Variants in DACH2 observed in about 807,000 individuals in gnomAD.
DACH2 encodes the protein dachshund homolog 2.
In DACH2, 17 loss-of-function variants were observed where a neutral mutation model predicts 35.8. That is an observed-to-expected ratio of 0.48 (90% CI 0.33 to 0.71). The LOEUF is 0.71. DACH2 is among the 30% of genes least tolerant of loss of function. The pLI is 0.02. For missense variants in DACH2, 469 were observed against 472.7 expected (o/e 0.99, Z 0.07); for synonymous variants, 195 against 177.3 (o/e 1.10, Z -0.79).
At chrX:86,416,348 T>G (rs1569389215) in intron 2 of DACH2, among the ~76,000 whole-genome samples, 1 of 111,925 alleles carries the variant, frequency 8.9e-6, no homozygotes, top group Non-Finnish European at 1.9e-5. Context: ...TTCTACTATC[T>G]TAAGTGGGAT....
At chrX:86,202,659 G>T (rs775176351) in intron 1 of DACH2, among the ~76,000 whole-genome samples, 1 of 111,092 alleles carries the variant, frequency 9.0e-6, no homozygotes, top group South Asian at 3.8e-4. Context: ...AAGAAAGATT[G>T]GTTAGAGGAA....
At chrX:86,382,777 A>C in intron 2 of DACH2, among the ~76,000 whole-genome samples, 1 of 111,294 alleles carries the variant, frequency 9.0e-6, no homozygotes, top group South Asian at 3.7e-4. Flanking sequence ...AGGTATTACA[A>C]GAAAATTGTG....
chrX:86,686,707 C>A (rs2040948479), intron 4 of DACH2, among the ~76,000 whole-genome samples: 1 of 111,727 alleles, frequency 9.0e-6, no homozygotes, highest in African/African-American at 3.2e-5. Flanking sequence ...AATAAAATAT[C>A]TTTTAACCAG....
At chrX:86,569,559 G>A (rs978243060) in intron 3 of DACH2, among the ~76,000 whole-genome samples, 3 of 110,956 alleles carry the variant, frequency 2.7e-5, no homozygotes, top group Middle Eastern at 4.6e-3. Flanking sequence ...TCCAAAATGC[G>A]ACTTAAACTC....
At position 86,392,803 on chromosome X, in the gene DACH2, G is replaced by A. The variant is rs761355910; in HGVS notation, c.527+15941G>A. Among the ~76,000 whole-genome samples, 3 of 111,562 alleles carry A rather than the reference G, an allele frequency of 2.7e-5. No homozygotes were observed. The South Asian group carries it at 1.1e-3, about 42-fold the overall frequency. ...GTCCTTCCTTAACAGTGCTACACAC[G>A]CTGCCCCTCTTGCTCTTAGAATAAA... On this transcript the variant is annotated intron_variant, in intron 2 of 11. Coordinates refer to ENST00000373125, the MANE Select transcript of DACH2 (RefSeq NM_053281.3).
At chrX:86,763,435 A>AT (rs955410097) in intron 7 of DACH2, among the ~76,000 whole-genome samples, 1 of 112,145 alleles carries the variant, frequency 8.9e-6, no homozygotes, top group Non-Finnish European at 1.9e-5. Flanking sequence ...TGGTGTTAAA[A>AT]TTTAAGATGA....
At chrX:86,666,878 TA>T (rs1316711562) in intron 4 of DACH2, among the ~76,000 whole-genome samples, 1 of 110,802 alleles carries the variant, frequency 9.0e-6, no homozygotes, top group East Asian at 2.8e-4. Context: ...AATTCTAGAA[TA>T]ACTACATTTC....
intron 7 of DACH2, among the ~76,000 whole-genome samples, chrX:86,765,690 GT>G (rs1712681256): frequency 1.0e-4 from 2 of 19,158 alleles, no homozygotes; most frequent in Admixed American, 1.1e-3. Context: ...TTTTGTTGTT[GT>G]TTTTTGGTTT....
At chrX:86,606,599 G>C (rs1041078947) in intron 3 of DACH2, among the ~76,000 whole-genome samples, 1 of 107,099 alleles carries the variant, frequency 9.3e-6, no homozygotes, top group African/African-American at 3.4e-5. Flanking sequence ...GGCTTGTTTT[G>C]TGACCTAACA....
At chrX:86,738,712 T>C (rs947239854) in intron 6 of DACH2, among the ~76,000 whole-genome samples, 1 of 111,670 alleles carries the variant, frequency 9.0e-6, no homozygotes, top group East Asian at 2.8e-4. Flanking sequence ...TAATCAGAAG[T>C]CTTGAGAGCC....
At chrX:86,285,198 T>C (rs973766701) in intron 1 of DACH2, among the ~76,000 whole-genome samples, 8 of 111,727 alleles carry the variant, frequency 7.2e-5, no homozygotes, top group Non-Finnish European at 1.3e-4. Flanking sequence ...CTCATGGTTA[T>C]TTCTTTTTTG....
intron 2 of DACH2, among the ~76,000 whole-genome samples, chrX:86,427,428 T>C (rs1197576238): frequency 1.8e-5 from 2 of 111,455 alleles, no homozygotes; most frequent in African/African-American, 6.5e-5. Context: ...GATTTATTTC[T>C]ATGAAATAAA....
At chrX:86,704,243 G>A (rs1450327933) in intron 5 of DACH2, among the ~76,000 whole-genome samples, 1 of 111,421 alleles carries the variant, frequency 9.0e-6, no homozygotes, top group Non-Finnish European at 1.9e-5. Context: ...GGATAACCAT[G>A]TGTAGAAGAA....
rs1436434869 is a variant in DACH2, at chrX:86,464,518, A to T, written c.528-49761A>T. Among the ~76,000 whole-genome samples, 3 of 110,236 alleles carry T rather than the reference A, an allele frequency of 2.7e-5. No homozygotes were observed. The East Asian group carries it at 8.6e-4, about 32-fold the overall frequency. ...GGAACATCACACACTAGGGCCTGTC[A>T]GGGGTTGTGGGTCAAGGGGAGGAAA... On this transcript the variant is annotated intron_variant, in intron 2 of 11. Coordinates refer to ENST00000373125, the MANE Select transcript of DACH2 (RefSeq NM_053281.3).
intron 1 of DACH2, among the ~76,000 whole-genome samples, chrX:86,290,827 C>A (rs1198703282): frequency 4.0e-5 from 4 of 100,675 alleles, no homozygotes; most frequent in Non-Finnish European, 6.0e-5. Context: ...TTACTGTAGC[C>A]TTGTAGTATA....
intron 7 of DACH2, among the ~76,000 whole-genome samples, chrX:86,795,355 T>A (rs1290431622): frequency 2.8e-5 from 3 of 107,355 alleles, no homozygotes; most frequent in Non-Finnish European, 5.8e-5. Flanking sequence ...CGCCTCAGCC[T>A]CCCGAGTAAC....
chrX:86,341,875 G>C (rs181188834), intron 1 of DACH2, among the ~76,000 whole-genome samples: 2 of 111,953 alleles, frequency 1.8e-5, no homozygotes, highest in African/African-American at 6.5e-5. Context: ...TAAAAGTGGA[G>C]CCTGAAGATG....
chrX:86,755,108 T>C (rs2041813961), intron 7 of DACH2, among the ~76,000 whole-genome samples: 1 of 111,798 alleles, frequency 8.9e-6, no homozygotes, highest in Non-Finnish European at 1.9e-5. Context: ...ATCTATTTAA[T>C]AATAACCATT....
At chrX:86,160,994 A>G (rs2030734539) in intron 1 of DACH2, 10 of 910,899 alleles carry the variant, frequency 1.1e-5, no homozygotes, top group Non-Finnish European at 1.6e-5. Flanking sequence ...TGGCATTGCC[A>G]TCTTTACAGG....
Sources: gnomAD v4.1 joint callset for allele counts (sites outside exome capture counted in the v4.1 genomes callset) on GRCh38, gnomAD v4.1.1 for gene constraint, MANE v1.5 for transcripts, NCBI Gene and HGNC (gene_info 2026-07-23, HGNC 2026-07-21) for gene names.